DACH1: variants seen among roughly 807,000 people sequenced by gnomAD.
The protein encoded by DACH1 is dachshund homolog 1.
Under a neutral mutation model 54.2 loss-of-function variants are expected in DACH1, and 12 were observed. The ratio of observed to expected loss-of-function variants is 0.22; its 90% CI spans 0.14 to 0.36. The LOEUF is 0.36. DACH1 is among the 10% of genes least tolerant of loss of function. The probability of loss-of-function intolerance (pLI) is 1.00; values close to 1 mark genes in which losing one functional copy is unlikely to be tolerated. For missense variants in DACH1, 805 were observed against 929.8 expected (o/e 0.87, Z 1.75); for synonymous variants, 386 against 366.2 (o/e 1.05, Z -0.62).
intron 1 of DACH1, among the ~76,000 whole-genome samples, chr13:71,755,531 A>G (rs1156873781): frequency 6.6e-6 from 1 of 152,192 alleles, no homozygotes; most frequent in African/African-American, 2.4e-5. Flanking sequence ...AGTTAGGTCT[A>G]ATTTGTCTTG....
chr13:71,641,096 T>C (rs1164392573), intron 2 of DACH1, among the ~76,000 whole-genome samples: 1 of 152,028 alleles, frequency 6.6e-6, no homozygotes, highest in Non-Finnish European at 1.5e-5. Flanking sequence ...TTTTTACATG[T>C]AAGTCTTGTT....
At chr13:71,702,957 G>A (rs1223936583) in intron 1 of DACH1, among the ~76,000 whole-genome samples, 1 of 152,110 alleles carries the variant, frequency 6.6e-6, no homozygotes, top group East Asian at 1.9e-4. Flanking sequence ...TCAAATATCT[G>A]TTTAACAACT....
At chr13:71,746,872 A>G (rs1387050416) in intron 1 of DACH1, among the ~76,000 whole-genome samples, 1 of 152,194 alleles carries the variant, frequency 6.6e-6, no homozygotes, top group South Asian at 2.1e-4. Flanking sequence ...ATTTTAAGAT[A>G]TACTAAAAAT....
chr13:71,692,020 C>CAT (rs67554917), intron 1 of DACH1, among the ~76,000 whole-genome samples: 2 of 151,114 alleles, frequency 1.3e-5, no homozygotes, highest in South Asian at 2.1e-4. Flanking sequence ...TACACACACA[C>CAT]ACACACACAC....
chr13:71,486,812 T>TATCTATC (rs1878556005), intron 7 of DACH1, among the ~76,000 whole-genome samples: 5 of 41,760 alleles, frequency 1.2e-4, no homozygotes, highest in Admixed American at 3.3e-4. Context: ...ATTTATTTAT[T>TATCTATC]TATCTATCTA....
At chr13:71,785,680 T>A (rs373856763) in intron 1 of DACH1, among the ~76,000 whole-genome samples, 3 of 152,186 alleles carry the variant, frequency 2.0e-5, no homozygotes, top group African/African-American at 7.2e-5. Context: ...AAAGGCCCAA[T>A]GATTACTAAT....
At chr13:71,610,476 C>A (rs1875239357) in intron 3 of DACH1, among the ~76,000 whole-genome samples, 1 of 152,032 alleles carries the variant, frequency 6.6e-6, no homozygotes, top group African/African-American at 2.4e-5. Flanking sequence ...TATATGAGAA[C>A]AAACTACAAA....
chr13:71,631,219 A>G (rs1470099439), intron 2 of DACH1, among the ~76,000 whole-genome samples: 2 of 152,190 alleles, frequency 1.3e-5, no homozygotes, highest in Non-Finnish European at 2.9e-5. Context: ...GCTTTCACAC[A>G]TGCCATTCCC....
At chr13:71,485,575 C>CTTTTTTTTTTTTTTTTTTTT (rs68024614) in intron 7 of DACH1, among the ~76,000 whole-genome samples, 2 of 46,150 alleles carry the variant, frequency 4.3e-5, no homozygotes, top group Non-Finnish European at 7.8e-5. Context: ...TTCTTTTCTT[C>CTTTTTTTTTTTTTTTTTTTT]TTTTTTTTTT....
At chr13:71,728,719 ATGCCTG>A (rs1025342373) in intron 1 of DACH1, among the ~76,000 whole-genome samples, 10 of 152,018 alleles carry the variant, frequency 6.6e-5, no homozygotes, top group African/African-American at 2.4e-4. Flanking sequence ...TCAGAGATCC[ATGCCTG>A]AGACACTACT....
intron 2 of DACH1, among the ~76,000 whole-genome samples, chr13:71,639,119 C>A (rs1466716252): frequency 6.6e-6 from 1 of 152,034 alleles, no homozygotes; most frequent in Admixed American, 6.6e-5. Flanking sequence ...ACACCAGTAC[C>A]TTTTTTCACC....
chr13:71,619,125 T>C (rs538604342), intron 3 of DACH1, among the ~76,000 whole-genome samples: 1 of 151,754 alleles, frequency 6.6e-6, no homozygotes, highest in East Asian at 1.9e-4. Context: ...TATATATATA[T>C]ATGGTGACAT....
intron 6 of DACH1, among the ~76,000 whole-genome samples, chr13:71,545,678 T>G (rs1279038470): frequency 6.6e-6 from 1 of 152,026 alleles, no homozygotes; most frequent in Non-Finnish European, 1.5e-5. Context: ...TATTGAAAAA[T>G]TTTTAACAAA....
At chr13:71,799,405 C>A (rs1374421336) in intron 1 of DACH1, among the ~76,000 whole-genome samples, 1 of 152,032 alleles carries the variant, frequency 6.6e-6, no homozygotes, top group Non-Finnish European at 1.5e-5. Flanking sequence ...ACAAGAATTT[C>A]TATTATGCTA....
chr13:71,571,453 T>A (rs1040483961), intron 4 of DACH1, among the ~76,000 whole-genome samples: 1 of 152,194 alleles, frequency 6.6e-6, no homozygotes, highest in Non-Finnish European at 1.5e-5. Flanking sequence ...TTGAATAATC[T>A]GGTAACAATA....
At chr13:71,837,470 G>A (rs1211583012) in intron 1 of DACH1, among the ~76,000 whole-genome samples, 1 of 152,034 alleles carries the variant, frequency 6.6e-6, no homozygotes, top group Non-Finnish European at 1.5e-5. Context: ...GGAAACTTGG[G>A]TAACTGTTAC....
At chr13:71,595,249 G>A (rs1290675689) in intron 3 of DACH1, among the ~76,000 whole-genome samples, 1 of 152,040 alleles carries the variant, frequency 6.6e-6, no homozygotes. Flanking sequence ...GGTGAGAGAT[G>A]AAGGAAAGGG....
chr13:71,749,674 C>T (rs1884835519), intron 1 of DACH1, among the ~76,000 whole-genome samples: 1 of 152,172 alleles, frequency 6.6e-6, no homozygotes, highest in African/African-American at 2.4e-5. Context: ...AGATTTAAAA[C>T]ATGATGCACT....
intron 6 of DACH1, among the ~76,000 whole-genome samples, chr13:71,534,799 G>A (rs905159358): frequency 6.6e-6 from 1 of 151,708 alleles, no homozygotes; most frequent in African/African-American, 2.4e-5. Context: ...ATCTTTAGTG[G>A]TGCATGGATG....
Sources: gnomAD v4.1 joint callset for allele counts (sites outside exome capture counted in the v4.1 genomes callset) on GRCh38, gnomAD v4.1.1 for gene constraint, MANE v1.5 for transcripts, NCBI Gene and HGNC (gene_info 2026-07-23, HGNC 2026-07-21) for gene names.